Variants in TRIM77 observed in about 807,000 individuals in gnomAD.
TRIM77 encodes the protein tripartite motif containing 77, also known as tripartite motif-containing protein 77.
A neutral mutation model predicts 31.8 loss-of-function variants in TRIM77; 23 were observed. The ratio of observed to expected loss-of-function variants is 0.72; its 90% CI spans 0.52 to 1.02. The LOEUF (loss-of-function observed/expected upper bound fraction) is 1.02. Ranked by LOEUF, TRIM77 falls within the 50% of genes least tolerant of loss-of-function variation. The pLI, the probability that TRIM77 is intolerant of heterozygous loss-of-function variation, is 0.00. For missense variants in TRIM77, 446 were observed against 539.2 expected, an observed-to-expected ratio of 0.83 and a Z score of 1.71; for synonymous variants, 159 against 183.1, an observed-to-expected ratio of 0.87 and a Z score of 1.06.
At chr11:89,717,355 A>T in intron 5 of TRIM77, 24 bp from the exon 6 acceptor site, 1 of 1,505,882 alleles carries the variant, frequency 6.6e-7, no homozygotes, top group South Asian at 1.3e-5. Flanking sequence ...GTTTTTTTGC[A>T]TTCACTGTTT....
chr11:89,710,683 A>T lies in TRIM77; in HGVS notation c.385A>T (p.Thr129Ser). ...PRHATHKHYM[T>S]READEYYRKK... Reference sequence around the variant, plus strand: ...GCATGCTACTCACAAACACTATATGACAAGGGAGGCTGATGAATACTATAG... The same window carrying T: ...GCATGCTACTCACAAACACTATATGTCAAGGGAGGCTGATGAATACTATAG... The change falls in exon 1 of 6, where the codon ACA becomes TCA. Residue 129 changes from threonine to serine, a missense_variant. Around this residue, in one of 3 missense-constraint regions of TRIM77, gnomAD observed 366 missense variants for 447.9 expected, o/e 0.82. Coordinates refer to ENST00000398290, the MANE Select transcript of TRIM77 (RefSeq NM_001146162.1). 1 of 1,547,266 alleles carries T rather than the reference A, an allele frequency of 6.5e-7. No individual in the cohort carries two copies. Among genetic ancestry groups the T allele is most frequent in the Non-Finnish European group, 8.7e-7 (1 of 1,144,332 alleles).
In TRIM77 at chr11:89,710,696, A is replaced by C; in HGVS notation, c.398A>C (p.Asp133Ala). The change falls in exon 1 of 6, where the codon GAT (aspartate) becomes GCT (alanine). Residue 133 changes from aspartate (D) to alanine (A), a missense_variant. By Grantham distance (126) the Asp-to-Ala change is moderately radical. This residue lies in a region of TRIM77 where 366 missense variants were observed against 447.9 expected (regional missense o/e 0.82). Transcript: ENST00000398290. ...THKHYMTREA[D>A]EYYRKKLLIQ... ...AAACACTATATGACAAGGGAGGCTG[A>C]TGAATACTATAGGGTAAGTAAATGC... 6.5e-7 allele frequency: 1 copy of C among 1,544,804 alleles called. No homozygotes were observed. The highest frequency in any genetic ancestry group is 1.2e-5 in the South Asian group (1 of 83,282).
chr11:89,717,335 C>A, intron 5 of TRIM77, 44 bp from the exon 6 acceptor site: 7 of 1,486,208 alleles, frequency 4.7e-6, no homozygotes, highest in Non-Finnish European at 6.3e-6. Context: ...TACCTCCAAA[C>A]TTTTAAACTG....
intron 2 of TRIM77, 40 bp downstream of exon 2, chr11:89,711,545 T>C: frequency 8.6e-7 from 1 of 1,167,198 alleles, no homozygotes; most frequent in Non-Finnish European, 1.2e-6. Flanking sequence ...CAGTTTGGAA[T>C]AGAAAATGTG....
rs568972455 is a variant in TRIM77 at position 89,714,273 on chromosome 11, C to T, written c.589C>T (p.His197Tyr). Residue 197 changes from histidine (H) to tyrosine (Y), a missense_variant, in exon 3 of 6, where the codon CAC becomes TAC. Transcript: ENST00000398290. ...ATACCTCCGTGAAGAAGAGCAAAAG[C>T]ACGTAGAGAGCCTGGCAAGAGAAGG... ...CQYLREEEQK[H>Y]VESLAREGRI... is the part of the protein sequence containing the mutation. The T allele has an allele frequency of 1.9e-6, 3 of 1,551,662 alleles. No homozygotes were observed. Among genetic ancestry groups the T allele is most frequent in the East Asian group, 4.9e-5 (2 of 40,916 alleles).
chr11:89,716,250 C>G (rs1263673402), intron 5 of TRIM77, among the ~76,000 whole-genome samples: 2 of 151,864 alleles, frequency 1.3e-5, no homozygotes, highest in Non-Finnish European at 2.9e-5. Flanking sequence ...TCAAAAAAGA[C>G]CTGGAGGAAT....
intron 5 of TRIM77, among the ~76,000 whole-genome samples, chr11:89,716,202 G>A (rs2696908): frequency 6.6e-6 from 1 of 151,862 alleles, no homozygotes; most frequent in Non-Finnish European, 1.5e-5. Flanking sequence ...GAAATACAGT[G>A]CGTAACATGA....
Position 89,710,394 on chromosome 11 carries a change from C to T in TRIM77, c.96C>T (p.His32=). 6.4e-7 allele frequency: 1 copy of T among 1,551,988 alleles called. No homozygotes were observed. ...ACCCTGTCACCATTTGTTGTGGGCA[C>T]AGATTTTGTAGTCCCTGTCTCTGCC... The part of the protein sequence containing the change: ...LTDPVTICCG[H]RFCSPCLCLL... Residue 32 remains histidine (H), a synonymous_variant, in exon 1 of 6, where the codon CAC becomes CAT. Coordinates refer to ENST00000398290, the MANE Select transcript of TRIM77 (RefSeq NM_001146162.1).
At chr11:89,713,395 G>A (rs1037165278) in intron 2 of TRIM77, among the ~76,000 whole-genome samples, 1 of 148,912 alleles carries the variant, frequency 6.7e-6, no homozygotes, top group African/African-American at 2.5e-5. Flanking sequence ...ATTCAAGGCT[G>A]CAGTGAGCCA....
At position 89,712,313 on chromosome 11, in the gene TRIM77, C is replaced by T. The variant is rs1050793825; in HGVS notation, c.507+808C>T. Among the ~76,000 whole-genome samples, 7 of 152,128 alleles carry T rather than the reference C, an allele frequency of 4.6e-5. No homozygotes were observed. In the East Asian group the frequency reaches 9.7e-4, roughly 21 times the overall value. ...GATTTTCTGAGGAGTCCTGCATTCT[C>T]GTGAGGGCCTATCATGTGTTGCTTA... On this transcript the variant is annotated intron_variant, in intron 2 of 5. Transcript: ENST00000398290.
At position 89,710,450 on chromosome 11, in the gene TRIM77, G is replaced by A; in HGVS notation, c.152G>A (p.Cys51Tyr). The A allele has an allele frequency of 6.4e-7, 1 of 1,551,734 alleles. No individual in the cohort carries two copies. Among genetic ancestry groups the A allele is most frequent in the South Asian group, 1.2e-5 (1 of 84,054 alleles). The change falls in exon 1 of 6, where the codon TGC (cysteine) becomes TAC (tyrosine). Residue 51 changes from cysteine to tyrosine, a missense_variant. Cys to Tyr is a radical substitution (Grantham distance 194). Transcript: ENST00000398290. The part of the protein sequence containing the change: ...LLWEDTLTPN[C>Y]CPVCREISQQ... ...TGGGAAGATACACTAACTCCTAATT[G>A]CTGCCCTGTGTGCAGGGAAATATCA...
Position 89,710,381 on chromosome 11 carries a change from T to C in TRIM77, c.83T>C (p.Ile28Thr). Residue 28 changes from isoleucine (I) to threonine (T), a missense_variant, in exon 1 of 6, where the codon ATT becomes ACT. Ile to Thr is a moderately conservative substitution (Grantham distance 89). This residue lies in a region of TRIM77 where 72 missense variants were observed against 64.7 expected (regional missense o/e 1.11). Coordinates refer to ENST00000398290, the MANE Select transcript of TRIM77 (RefSeq NM_001146162.1). ...GACTATTTGACAGACCCTGTCACCA[T>C]TTGTTGTGGGCACAGATTTTGTAGT... ...CTDYLTDPVT[I>T]CCGHRFCSPC... 1.3e-6 allele frequency: 2 copies of C among 1,552,030 alleles called. No homozygotes were observed. The highest frequency in any genetic ancestry group is 1.7e-6 in the Non-Finnish European group (2 of 1,147,038).
In TRIM77 at chr11:89,717,405, T is replaced by C. The variant is rs1291469500; in HGVS notation, c.886T>C (p.Cys296Arg). 1 of 1,550,970 alleles carries C rather than the reference T, an allele frequency of 6.4e-7. No homozygotes were observed. Among genetic ancestry groups the C allele is most frequent in the Non-Finnish European group, 8.7e-7 (1 of 1,146,628 alleles). The stretch of plus-strand genomic sequence containing the variant: ...GTATATCACCTTGGATCGTAAGATA[T>C]GCAGTAATCACAAGCTTCTGTTCGA... ...RVYITLDRKI[C>R]SNHKLLFEDL... The change falls in exon 6 of 6, where the codon TGC becomes CGC. Residue 296 changes from cysteine to arginine, a missense_variant. Around this residue, in one of 3 missense-constraint regions of TRIM77, gnomAD observed 366 missense variants for 447.9 expected, o/e 0.82. Coordinates refer to ENST00000398290, the MANE Select transcript of TRIM77 (RefSeq NM_001146162.1).
At chr11:89,716,825 ATATTTTTAT>A (rs1949164254) in intron 5 of TRIM77, among the ~76,000 whole-genome samples, 1 of 150,130 alleles carries the variant, frequency 6.7e-6, no homozygotes, top group South Asian at 2.1e-4. Flanking sequence ...ATAATTAATA[ATATTTTTAT>A]TATTTTTAGT....
At position 89,715,964 on chromosome 11, in the gene TRIM77, C is replaced by T. The variant is rs1229853664; in HGVS notation, c.836C>T (p.Ser279Leu). 6 of 1,547,836 alleles carry T rather than the reference C, an allele frequency of 3.9e-6. No individual in the cohort carries two copies. The highest frequency in any genetic ancestry group is 4.4e-6 in the Non-Finnish European group (5 of 1,144,308). ...QLSAWTITGV[S>L]ERLNFFRVYI... ...AGTGCATGGACCATCACTGGGGTGTCAGAAAGGCTTAACTTCTTCAGAGGT... is the reference window on the plus strand; with the variant it reads ...AGTGCATGGACCATCACTGGGGTGTTAGAAAGGCTTAACTTCTTCAGAGGT... Residue 279 changes from serine to leucine, a missense_variant, in exon 5 of 6, where the codon TCA becomes TTA. Ser to Leu is a moderately radical substitution (Grantham distance 145). Transcript: ENST00000398290.
At position 89,714,382 on chromosome 11, in the gene TRIM77, T is replaced by G. The variant is rs184893187; in HGVS notation, c.698T>G (p.Leu233Arg). 59 of 1,551,618 alleles carry G rather than the reference T, an allele frequency of 3.8e-5. No homozygotes were observed. In the East Asian group the frequency reaches 1.4e-3, roughly 37 times the overall value. ...CTCCTGAGAGAAATGTATGAGAAACTGAAGGAAATGAGCTGTAAAGCAGAT... is the reference window on the plus strand; with the variant it reads ...CTCCTGAGAGAAATGTATGAGAAACGGAAGGAAATGAGCTGTAAAGCAGAT... ...GILLREMYEK[L>R]KEMSCKADVN... is the part of the protein sequence containing the mutation. Residue 233 changes from leucine to arginine, a missense_variant, in exon 3 of 6, where the codon CTG becomes CGG. Leu to Arg is a moderately radical substitution (Grantham distance 102). This residue lies in a region of TRIM77 where 366 missense variants were observed against 447.9 expected (regional missense o/e 0.82). Transcript: ENST00000398290.
At chr11:89,711,833 T>TA (rs979187244) in intron 2 of TRIM77, among the ~76,000 whole-genome samples, 59 of 151,156 alleles carry the variant, frequency 3.9e-4, no homozygotes, top group African/African-American at 9.5e-4. Flanking sequence ...CATGAAATGC[T>TA]AAAAAAAAAT....
chr11:89,713,326 T>G (rs1949136346), intron 2 of TRIM77, among the ~76,000 whole-genome samples: 2 of 146,754 alleles, frequency 1.4e-5, no homozygotes, highest in African/African-American at 5.0e-5. Context: ...CATGGCGGCA[T>G]GTGTCTGAAG....
intron 2 of TRIM77, among the ~76,000 whole-genome samples, chr11:89,712,205 C>G (rs952744571): frequency 1.9e-4 from 29 of 151,988 alleles, no homozygotes; most frequent in African/African-American, 6.5e-4. Flanking sequence ...AAACAGGGAC[C>G]AGTAGAGAAT....
Sources: allele counts gnomAD v4.1 joint callset (sites outside exome capture counted in the v4.1 genomes callset), GRCh38; gene constraint gnomAD v4.1.1; regional missense constraint gnomAD v4.1.1; transcripts MANE v1.5; gene names NCBI Gene and HGNC (gene_info 2026-07-23, HGNC 2026-07-21).